Variants in DIAPH1 observed in about 807,000 individuals in gnomAD.
DIAPH1 encodes protein diaphanous homolog 1.
DIAPH1 carries 46 observed loss-of-function variants against 140.7 expected under a neutral mutation model. The ratio of observed to expected loss-of-function variants is 0.33; its 90% CI spans 0.26 to 0.42. The LOEUF (loss-of-function observed/expected upper bound fraction) is 0.42. DIAPH1 is among the 10% of genes least tolerant of loss of function. The probability of loss-of-function intolerance (pLI) is 1.00; values close to 1 mark genes in which losing one functional copy is unlikely to be tolerated. For missense variants in DIAPH1, 1,310 were observed against 1,558.7 expected (o/e 0.84, Z 2.69); for synonymous variants, 565 against 551.6 (o/e 1.02, Z -0.34).
intron 8 of DIAPH1, 24 bp from the exon 9 acceptor site, chr5:141,579,220 G>A: frequency 6.3e-7 from 1 of 1,589,772 alleles, no homozygotes. Context: ...AGGAAACGGA[G>A]AGAACTTTCC....
At chr5:141,533,491 A>C (rs1305091291) in intron 19 of DIAPH1, among the ~76,000 whole-genome samples, 1 of 152,186 alleles carries the variant, frequency 6.6e-6, no homozygotes, top group Non-Finnish European at 1.5e-5. Flanking sequence ...AATTTACCTT[A>C]GTTATTTTAA....
At chr5:141,571,621 C>T (rs1051556440) in intron 17 of DIAPH1, among the ~76,000 whole-genome samples, 185 bp from the exon 18 acceptor site, 5 of 152,148 alleles carry the variant, frequency 3.3e-5, no homozygotes, top group African/African-American at 1.2e-4. Context: ...TAAGGCAGTG[C>T]CAGAATCTGT....
intron 18 of DIAPH1, among the ~76,000 whole-genome samples, chr5:141,559,579 T>G (rs2154595924): frequency 6.6e-6 from 1 of 152,278 alleles, no homozygotes; most frequent in Non-Finnish European, 1.5e-5. Flanking sequence ...AAAGCAGTAT[T>G]AAAAATCTGG....
chr5:141,578,299 A>G lies in DIAPH1; in HGVS notation c.1089T>C (p.Asn363=), dbSNP rs1200374399. 6.2e-7 allele frequency: 1 copy of G among 1,614,146 alleles called. No homozygotes were observed. Among genetic ancestry groups the G allele is most frequent in the Non-Finnish European group, 8.5e-7 (1 of 1,179,992 alleles). Residue 363 remains asparagine, a synonymous_variant, in exon 11 of 28, where the codon AAT becomes AAC. Transcript: ENST00000389054. ...IENEDMRVQL[N]VFDEQGEEDS... Reference sequence around the variant, plus strand: ...CCTCTTCCCCTTGTTCATCAAACACATTTAGTTGCACTCTCATATCTTCAT... The same window carrying G: ...CCTCTTCCCCTTGTTCATCAAACACGTTTAGTTGCACTCTCATATCTTCAT...
chr5:141,516,488 G>C lies in DIAPH1; in HGVS notation c.*363C>G. The C allele has an allele frequency of 1.7e-5, 6 of 345,042 alleles. No individual in the cohort carries two copies. Among genetic ancestry groups the C allele is most frequent in the South Asian group, 1.6e-4 (6 of 36,734 alleles). 21.4% of individuals were successfully genotyped at this position (345,042 alleles called of 1,614,324 possible). ...AATCCAGCAAGACTGACCTAGGGGG[G>C]AAAGCCCATTAGAAAGTCAGGGCTG... On this transcript the variant is annotated 3_prime_UTR_variant, in exon 28 of 28. Coordinates refer to ENST00000389054, the MANE Select transcript of DIAPH1 (RefSeq NM_005219.5).
At chr5:141,535,742 CT>C (rs2154595170) in intron 18 of DIAPH1, among the ~76,000 whole-genome samples, 1 of 152,250 alleles carries the variant, frequency 6.6e-6, no homozygotes, top group East Asian at 1.9e-4. Flanking sequence ...TTGTAAAATA[CT>C]TTGTACTATA....
intron 3 of DIAPH1, among the ~76,000 whole-genome samples, chr5:141,585,809 T>C (rs2154596655): frequency 6.6e-6 from 1 of 152,300 alleles, no homozygotes; most frequent in South Asian, 2.1e-4. Context: ...ACCTATAGTT[T>C]AAATGAAAAT....
chr5:141,574,161 A>G lies in DIAPH1; in HGVS notation c.1689T>C (p.Ala563=). The change falls in exon 16 of 28, where the codon GCT becomes GCC. Residue 563 remains alanine, a synonymous_variant. Coordinates refer to ENST00000389054, the MANE Select transcript of DIAPH1 (RefSeq NM_005219.5). ...KELEDAKKEM[A]SLSAAAITVP... ...CAGTAATAGCTGCCGCAGAGAGGGA[A>G]GCCATTTCTTTCTTGGCATCTTCCA... The G allele has an allele frequency of 6.2e-7, 1 of 1,614,088 alleles. No homozygotes were observed. The highest frequency in any genetic ancestry group is 1.1e-5 in the South Asian group (1 of 91,074).
Position 141,573,821 on chromosome 5 carries a change from G to T in DIAPH1, c.2029C>A (p.Pro677Thr). Residue 677 changes from proline (P) to threonine (T), a missense_variant, in exon 16 of 28, where the codon CCA becomes ACA. Physicochemically the swap from Pro to Thr is conservative, Grantham distance 38 (BLOSUM62 -1). Coordinates refer to ENST00000389054, the MANE Select transcript of DIAPH1 (RefSeq NM_005219.5). The part of the protein sequence containing the change: ...SSLPGGTAIP[P>T]PPPLPGSARI... ...GCACTCCCAGGCAAAGGAGGAGGTG[G>T]GGGGATGGCAGTACCTCCAGGCAAA... 1 of 1,519,022 alleles carries T rather than the reference G, an allele frequency of 6.6e-7. No individual in the cohort carries two copies. Among genetic ancestry groups the T allele is most frequent in the Non-Finnish European group, 8.9e-7 (1 of 1,128,244 alleles). The allele number at this position is 1,519,022 out of a possible 1,614,324, so 94.1% of individuals were successfully genotyped here.
In DIAPH1 at chr5:141,527,699, T is replaced by TAAAAAAAAAAAAAAAAAAAAAACAAA; in HGVS notation, c.3149-3_3149-2insTTTGTTTTTTTTTTTTTTTTTTTTTT. The TAAAAAAAAAAAAAAAAAAAAAACAAA allele has an allele frequency of 8.8e-7, 1 of 1,130,080 alleles. No homozygotes were observed. Among genetic ancestry groups the TAAAAAAAAAAAAAAAAAAAAAACAAA allele is most frequent in the Non-Finnish European group, 1.1e-6 (1 of 891,156 alleles). 70.0% of individuals were successfully genotyped at this position (1,130,080 alleles called of 1,614,324 possible). ...TCTTTTGCAAGTTTTCAGCAGAAAC[T>TAAAAAAAAAAAAAAAAAAAAAACAAA]AAAAAAAAAAAAAAAAAAAAAAACC... is the stretch of plus-strand genomic sequence containing the variant. On this transcript the variant is annotated splice_polypyrimidine_tract_variant and splice_region_variant and intron_variant, in intron 23 of 27. Coordinates refer to ENST00000389054, the MANE Select transcript of DIAPH1 (RefSeq NM_005219.5).
chr5:141,531,953 C>T (rs988901343), intron 19 of DIAPH1, among the ~76,000 whole-genome samples: 1 of 152,046 alleles, frequency 6.6e-6, no homozygotes, highest in African/African-American at 2.4e-5. Context: ...AGCAGCCTTC[C>T]TAAAAATTAC....
At chr5:141,602,453 G>A (rs550173362) in intron 1 of DIAPH1, among the ~76,000 whole-genome samples, 1 of 152,292 alleles carries the variant, frequency 6.6e-6, no homozygotes, top group Non-Finnish European at 1.5e-5. Context: ...CTGACCTCGT[G>A]ATCCACCTGC....
intron 16 of DIAPH1, among the ~76,000 whole-genome samples, 187 bp downstream of exon 16, chr5:141,573,305 C>T (rs905993617): frequency 4.6e-5 from 7 of 151,272 alleles, no homozygotes; most frequent in African/African-American, 1.2e-4. Context: ...CGTGGTGGCG[C>T]GCGCCTATAG....
intron 8 of DIAPH1, among the ~76,000 whole-genome samples, chr5:141,580,057 G>A (rs191693102): frequency 1.8e-4 from 27 of 151,610 alleles, no homozygotes; most frequent in African/African-American, 6.5e-4. Flanking sequence ...AGCTACTAAA[G>A]ATAATAAGGT....
chr5:141,550,618 CTTTT>C (rs1029967110), intron 18 of DIAPH1: 4 of 154,326 alleles, frequency 2.6e-5, no homozygotes, highest in Non-Finnish European at 5.9e-5. Context: ...CCTGTTCTTT[CTTTT>C]CTTTTTTTTT....
chr5:141,515,788 GGGTCCAGAA>G lies in DIAPH1; in HGVS notation c.*1054_*1062del, dbSNP rs1299097173. 1 of 152,240 alleles carries G rather than the reference GGGTCCAGAA, an allele frequency of 6.6e-6. No individual in the cohort carries two copies. Among genetic ancestry groups the G allele is most frequent in the African/African-American group, 2.4e-5 (1 of 41,442 alleles). The allele number at this position is 152,240 out of a possible 1,614,324, so 9.4% of individuals were successfully genotyped here. A position where few individuals can be genotyped will look rare whatever the true frequency, so the allele number is the denominator to read the frequency against. ...GAGAGAGGATCTGCCTTGGACTCAA[GGGTCCAGAA>G]GGTCCAGGGGCACATTCAGGATTGG... On this transcript the variant is annotated 3_prime_UTR_variant, in exon 28 of 28. Coordinates refer to ENST00000389054, the MANE Select transcript of DIAPH1 (RefSeq NM_005219.5).
In DIAPH1 at chr5:141,528,684, C is replaced by T. The variant is rs1233983257; in HGVS notation, c.3018+18G>A. On this transcript the variant is annotated intron_variant, in intron 22 of 27. Transcript: ENST00000389054. ...TACAGCCTTCCTTGTGTTGTCCTGC[C>T]CTACCTCTTTGGCTCACCTTACAGA... 7 of 1,614,196 alleles carry T rather than the reference C, an allele frequency of 4.3e-6. No individual in the cohort carries two copies. Among genetic ancestry groups the T allele is most frequent in the Non-Finnish European group, 5.9e-6 (7 of 1,180,042 alleles).
chr5:141,576,791 C>A lies in DIAPH1; in HGVS notation c.1361G>T (p.Cys454Phe). 1 of 1,613,906 alleles carries A rather than the reference C, an allele frequency of 6.2e-7. No individual in the cohort carries two copies. The change falls in exon 13 of 28, where the codon TGC becomes TTC. Residue 454 changes from cysteine to phenylalanine, a missense_variant. Cys to Phe is a radical substitution (Grantham distance 205). Around this residue, in one of 3 missense-constraint regions of DIAPH1, gnomAD observed 589 missense variants for 549.3 expected, o/e 1.07. Transcript: ENST00000389054. ...HKNGADPDFK[C>F]RHLQIEIEGL... ...CTCAATCTCAATCTGGAGGTGCCGG[C>A]ACTTGAAGTCAGGATCAGCCCCGTT...
intron 1 of DIAPH1, among the ~76,000 whole-genome samples, chr5:141,600,420 A>G (rs1472733898): frequency 2.6e-5 from 4 of 152,232 alleles, no homozygotes; most frequent in Admixed American, 1.3e-4. Flanking sequence ...CTATGAGCTA[A>G]TAAGTGTGTT....
Sources: gnomAD v4.1 joint callset for allele counts (sites outside exome capture counted in the v4.1 genomes callset) on GRCh38, gnomAD v4.1.1 for gene constraint, gnomAD v4.1.1 regional missense constraint, MANE v1.5 for transcripts, NCBI Gene and HGNC (gene_info 2026-07-23, HGNC 2026-07-21) for gene names.